MLPH: variants seen among roughly 807,000 people sequenced by gnomAD.
MLPH encodes melanophilin.
A neutral mutation model predicts 72.1 loss-of-function variants in MLPH; 51 were observed. The observed-to-expected ratio is 0.71, with a 90% CI of 0.56 to 0.89. MLPH has a LOEUF of 0.89. Among genes scored for constraint, MLPH ranks in the 40% least tolerant of loss-of-function variants. MLPH has a pLI of 0.00. For missense variants in MLPH, 743 were observed against 759.9 expected (o/e 0.98, Z 0.26); for synonymous variants, 301 against 310.1 (o/e 0.97, Z 0.31).
At chr2:237,501,592 C>T (rs947785673) in intron 2 of MLPH, among the ~76,000 whole-genome samples, 1 of 147,650 alleles carries the variant, frequency 6.8e-6, no homozygotes, top group Non-Finnish European at 1.5e-5. Context: ...TTTGAGAGGC[C>T]GAAGAGGGTG....
At chr2:237,515,867 TCTC>T (rs1189897608) in intron 4 of MLPH, among the ~76,000 whole-genome samples, 1 of 152,044 alleles carries the variant, frequency 6.6e-6, no homozygotes, top group Admixed American at 6.5e-5. Context: ...GAACATTCCT[TCTC>T]CTTCCTTTTC....
At chr2:237,545,632 G>C (rs1296306543) in intron 12 of MLPH, 1 of 1,283,242 alleles carries the variant, frequency 7.8e-7, no homozygotes, top group Admixed American at 2.3e-5. Context: ...GCTCACATCA[G>C]AGGAGCTGCT....
At chr2:237,491,520 C>T (rs767311725) in intron 1 of MLPH, among the ~76,000 whole-genome samples, 5 of 152,318 alleles carry the variant, frequency 3.3e-5, no homozygotes, top group East Asian at 1.9e-4. Flanking sequence ...GTGCTGGGAA[C>T]GGACAGAGGT....
Position 237,525,802 on chromosome 2 carries a change from C to T in MLPH, c.877C>T (p.Leu293Phe). The change falls in exon 7 of 16, where the codon CTC becomes TTC. Residue 293 changes from leucine to phenylalanine, a missense_variant. Physicochemically the swap from Leu to Phe is conservative, Grantham distance 22. Coordinates refer to ENST00000264605, the MANE Select transcript of MLPH (RefSeq NM_024101.7). ...HRMALGTAAA[L>F]GSNVIRNEQL... ...GATGGCCCTGGGGACTGCTGCTGCA[C>T]TCGGTAGGTGCCCTTGGCCAGGGTC... The T allele has an allele frequency of 6.2e-7, 1 of 1,611,624 alleles. No homozygotes were observed. The highest frequency in any genetic ancestry group is 1.3e-5 in the African/African-American group (1 of 75,060).
At chr2:237,542,326 T>C (rs1229981718) in intron 11 of MLPH, among the ~76,000 whole-genome samples, 7 of 152,128 alleles carry the variant, frequency 4.6e-5, no homozygotes, top group Admixed American at 2.0e-4. Context: ...GCACCCGTCC[T>C]GCGTTCCTCC....
chr2:237,529,869 G>A (rs1433021114), intron 8 of MLPH, among the ~76,000 whole-genome samples: 1 of 152,228 alleles, frequency 6.6e-6, no homozygotes. Flanking sequence ...TCCTGGGAGA[G>A]CTGGGGAAGG....
chr2:237,540,115 G>A (rs1310107231), intron 9 of MLPH, among the ~76,000 whole-genome samples: 2 of 152,256 alleles, frequency 1.3e-5, no homozygotes, highest in Admixed American at 1.3e-4. Flanking sequence ...TAGATAGCCA[G>A]GGGTGGTGGT....
Position 237,540,861 on chromosome 2 carries a change from C to T in MLPH, c.1350C>T (p.Asp450=), listed in dbSNP as rs773144090. The T allele has an allele frequency of 6.2e-7, 1 of 1,613,412 alleles. No individual in the cohort carries two copies. The change falls in exon 11 of 16, where the codon GAC becomes GAT. Residue 450 remains aspartate (D), a synonymous_variant. Coordinates refer to ENST00000264605, the MANE Select transcript of MLPH (RefSeq NM_024101.7). ...AAAAAAGCCCCCAGGACCCTGGGGA[C>T]CCCGTCCAGTACAACAGGACCACAG... ...RQEKSPQDPG[D]PVQYNRTTDE...
chr2:237,545,652 C>A, intron 12 of MLPH: 1 of 1,270,336 alleles, frequency 7.9e-7, no homozygotes, highest in South Asian at 1.3e-5. Flanking sequence ...TCACGTCAGG[C>A]CAACATCCTC....
chr2:237,525,190 G>T (rs544366400), intron 6 of MLPH, among the ~76,000 whole-genome samples: 2 of 152,298 alleles, frequency 1.3e-5, no homozygotes, highest in Admixed American at 1.3e-4. Flanking sequence ...GATCTTCAAA[G>T]ATTAAGGTGT....
intron 6 of MLPH, among the ~76,000 whole-genome samples, chr2:237,521,906 C>T (rs950094500): frequency 7.6e-6 from 1 of 131,336 alleles, no homozygotes; most frequent in South Asian, 2.8e-4. Context: ...CTTCAAACAC[C>T]TGCTACAACT....
At position 237,505,604 on chromosome 2, in the gene MLPH, A is replaced by ACCCCTGTCTAGATTT. The variant is rs1265163405; in HGVS notation, c.111-4968_111-4954dup. On this transcript the variant is annotated intron_variant, in intron 2 of 15. Transcript: ENST00000264605. This position sits in a 1 kb window ranked among gnomAD's most constrained non-coding sequence, Gnocchi z 4.5. ...CAGTATTCCTGCATGTTGCCACCACACCCCTGTCTAGATTTCACCCCAAGA... is the reference window on the plus strand; with the variant it reads ...CAGTATTCCTGCATGTTGCCACCACACCCCTGTCTAGATTTCCCCTGTCTAGATTTCACCCCAAGA... Among the ~76,000 whole-genome samples, 1 of 151,730 alleles carries ACCCCTGTCTAGATTT rather than the reference A, an allele frequency of 6.6e-6. No individual in the cohort carries two copies. The highest frequency in any genetic ancestry group is 1.5e-5 in the Non-Finnish European group (1 of 67,938).
chr2:237,521,405 C>G (rs2080178891), intron 6 of MLPH, among the ~76,000 whole-genome samples: 1 of 152,056 alleles, frequency 6.6e-6, no homozygotes, highest in African/African-American at 2.4e-5. Context: ...TCTTGAATAG[C>G]CCTCCTATTT....
At chr2:237,519,268 A>G (rs1056189470) in intron 5 of MLPH, among the ~76,000 whole-genome samples, 2 of 151,952 alleles carry the variant, frequency 1.3e-5, no homozygotes, top group Non-Finnish European at 2.9e-5. Context: ...TTGGAGAGAA[A>G]TGGGCCAGTG....
chr2:237,507,965 C>T (rs1290390724), intron 2 of MLPH, among the ~76,000 whole-genome samples: 3 of 152,146 alleles, frequency 2.0e-5, no homozygotes, highest in Non-Finnish European at 4.4e-5. Context: ...TCACCTTCAA[C>T]ACGTGGCACA....
At chr2:237,525,204 T>C (rs1199889754) in intron 6 of MLPH, among the ~76,000 whole-genome samples, 1 of 152,182 alleles carries the variant, frequency 6.6e-6, no homozygotes, top group Non-Finnish European at 1.5e-5. Context: ...AAGGTGTACA[T>C]AGTTAGTAAC....
intron 5 of MLPH, 114 bp from the exon 6 acceptor site, chr2:237,519,796 A>G: frequency 6.8e-7 from 1 of 1,466,748 alleles, no homozygotes; most frequent in Non-Finnish European, 9.5e-7. Context: ...CTGGGAGAGG[A>G]GCCTGCCCCG....
rs1252319044 is a variant in MLPH at position 237,510,795 on chromosome 2, G to A, written c.332G>A (p.Arg111Lys). ...GWICDPCHLA[R>K]VVKIGSLEWY... ...ATCTGTGACCCCTGCCATCTGGCCAGGTGAGCCCAGGCCTTGAGGTAAAAT... is the reference window on the plus strand; with the variant it reads ...ATCTGTGACCCCTGCCATCTGGCCAAGTGAGCCCAGGCCTTGAGGTAAAAT... The change falls in exon 3 of 16, where the codon AGA becomes AAA. Residue 111 changes from arginine (R) to lysine (K), a missense_variant and splice_region_variant. Arg to Lys is a conservative substitution (Grantham distance 26). Transcript: ENST00000264605. This position sits in a 1 kb window ranked among gnomAD's most constrained non-coding sequence, Gnocchi z 4.4. The A allele has an allele frequency of 1.2e-6, 2 of 1,613,310 alleles. No homozygotes were observed. Among genetic ancestry groups the A allele is most frequent in the African/African-American group, 2.7e-5 (2 of 75,064 alleles).
chr2:237,545,801 TCAGATCAACAA>T (rs146154829), intron 12 of MLPH: 46,802 of 394,480 alleles, frequency 0.12, 2,873 homozygotes, highest in East Asian at 0.25. Context: ...GCTCTAAATT[TCAGATCAACAA>T]CTAATAATCT....
Sources: gnomAD v4.1 joint callset for allele counts (sites outside exome capture counted in the v4.1 genomes callset) on GRCh38, gnomAD v4.1.1 for gene constraint, Gnocchi (gnomAD v3.1) non-coding constraint, MANE v1.5 for transcripts, NCBI Gene and HGNC (gene_info 2026-07-23, HGNC 2026-07-21) for gene names.